The following PAH variants were observed in gnomAD, a reference collection of about 807,000 sequenced individuals.
The protein encoded by PAH is phenylalanine-4-hydroxylase.
A neutral mutation model predicts 62.0 loss-of-function variants in PAH; 64 were observed. The ratio of observed to expected loss-of-function variants is 1.03; its 90% CI spans 0.84 to 1.27. The LOEUF (loss-of-function observed/expected upper bound fraction) is 1.27, where lower values mean the gene tolerates loss of function less well. PAH is among the 50% of genes most tolerant of loss of function. The pLI is 0.00. For synonymous variants in PAH, 195 were observed against 196.2 expected, an observed-to-expected ratio of 0.99 and a Z score of 0.05; for missense variants, 579 against 542.8, an observed-to-expected ratio of 1.07 and a Z score of -0.66.
chr12:102,908,050 A>T lies in PAH; in HGVS notation c.168+4741T>A, dbSNP rs532937735. 2.6e-5 allele frequency among the ~76,000 whole-genome samples: 4 copies of T among 152,096 alleles called. No homozygotes were observed. In the South Asian group the frequency reaches 6.2e-4, roughly 24 times the overall value. ...AAAAAAAAATCAATACTCACTAACA[A>T]CCCTTCTTCAATCACCCAATACAGT... On this transcript the variant is annotated intron_variant, in intron 2 of 12. Transcript: ENST00000553106.
intron 1 of PAH, among the ~76,000 whole-genome samples, chr12:102,933,222 T>C (rs1280841922): frequency 6.6e-6 from 1 of 152,214 alleles, no homozygotes; most frequent in African/African-American, 2.4e-5. Flanking sequence ...AGTGAGAACA[T>C]GGAAAGTTTG....
chr12:102,911,066 T>C (rs1397130097), intron 2 of PAH, among the ~76,000 whole-genome samples: 1 of 152,168 alleles, frequency 6.6e-6, no homozygotes, highest in East Asian at 1.9e-4. Flanking sequence ...CACTGTGGGT[T>C]GGTGCAGCAG....
At chr12:102,933,679 C>T (rs1288269348) in intron 1 of PAH, among the ~76,000 whole-genome samples, 1 of 152,156 alleles carries the variant, frequency 6.6e-6, no homozygotes, top group Non-Finnish European at 1.5e-5. Flanking sequence ...TTTTGATTAG[C>T]ATTTCTCCGA....
chr12:102,845,171 T>C (rs56021318), intron 9 of PAH, among the ~76,000 whole-genome samples: 32,455 of 152,218 alleles, frequency 0.21, 4,927 homozygotes, highest in East Asian at 0.75. Flanking sequence ...ATCACGTCTC[T>C]GTGTCCTGTG....
In PAH at chr12:102,877,825, T is replaced by C. The variant is rs1211530245; in HGVS notation, c.353-275A>G. On this transcript the variant is annotated intron_variant, in intron 3 of 12. Coordinates refer to ENST00000553106, the MANE Select transcript of PAH (RefSeq NM_000277.3). The stretch of plus-strand genomic sequence containing the variant: ...CACCCGTCATGGTAGTTTTCTTTGA[T>C]GGTTTTCTTTAGCAGCAGAATTTTT... Among the ~76,000 whole-genome samples, 13 of 152,342 alleles carry C rather than the reference T, an allele frequency of 8.5e-5. No individual in the cohort carries two copies. The South Asian group carries it at 2.5e-3, about 29-fold the overall frequency.
intron 1 of PAH, among the ~76,000 whole-genome samples, chr12:102,933,934 A>G (rs912234289): frequency 2.0e-5 from 3 of 151,976 alleles, no homozygotes; most frequent in Admixed American, 2.0e-4. Context: ...GTGCAAAAGC[A>G]TTTTTAACTT....
intron 5 of PAH, among the ~76,000 whole-genome samples, chr12:102,864,355 AC>A (rs1875855166): frequency 6.6e-6 from 1 of 152,134 alleles, no homozygotes; most frequent in Non-Finnish European, 1.5e-5. Flanking sequence ...TCTGATTCGC[AC>A]CAGCCCCTGA....
intron 4 of PAH, among the ~76,000 whole-genome samples, chr12:102,871,708 A>C (rs1876322855): frequency 6.6e-6 from 1 of 152,012 alleles, no homozygotes; most frequent in African/African-American, 2.4e-5. Flanking sequence ...AGATCGCCTG[A>C]GGTCAGGAGT....
At position 102,851,701 on chromosome 12, in the gene PAH, C is replaced by A. The variant is rs5030853; in HGVS notation, c.898G>T (p.Ala300Ser). 638 of 1,613,792 alleles carry A rather than the reference C, an allele frequency of 4.0e-4. No individual in the cohort carries two copies. Among genetic ancestry groups the A allele is most frequent in the Middle Eastern group, 2.3e-3 (14 of 6,082 alleles). The change falls in exon 8 of 13, where the codon GCC (alanine) becomes TCC (serine). Residue 300 changes from alanine (A) to serine (S), a missense_variant. Coordinates refer to ENST00000553106, the MANE Select transcript of PAH (RefSeq NM_000277.3). Reference sequence around the variant, plus strand: ...CCATTCCTTACCTGGGAAAACTGGGCAAAGCTGCGATCTGAAAACAAGGGC... The same window carrying A: ...CCATTCCTTACCTGGGAAAACTGGGAAAAGCTGCGATCTGAAAACAAGGGC... Reference protein sequence around the residue: ...HVPLFSDRSFAQFSQEIGLAS... With the variant: ...HVPLFSDRSFSQFSQEIGLAS...
chr12:102,934,506 T>C (rs1485720563), intron 1 of PAH, among the ~76,000 whole-genome samples: 2 of 152,076 alleles, frequency 1.3e-5, no homozygotes, highest in African/African-American at 2.4e-5. Context: ...TGTATGTTGC[T>C]TTGGGTAGTA....
At chr12:102,955,504 C>T (rs534350788), upstream of PAH, among the ~76,000 whole-genome samples, 11 of 152,146 alleles carry the variant, frequency 7.2e-5, no homozygotes, top group Non-Finnish European at 1.5e-4. Flanking sequence ...TAAAAGAAAA[C>T]ACATCTAGAT....
In PAH at chr12:102,855,326, C is replaced by A. The variant is rs192592111; in HGVS notation, c.516G>T (p.Gln172His). The A allele has an allele frequency of 1.8e-5, 29 of 1,614,028 alleles. No individual in the cohort carries two copies. In the East Asian group the frequency reaches 4.9e-4, roughly 27 times the overall value. ...CCATGTATTCCACTCGAGGGATGGGCTGCCCACTAGAATACAGGCACAAAA... is the reference window on the plus strand; with the variant it reads ...CCATGTATTCCACTCGAGGGATGGGATGCCCACTAGAATACAGGCACAAAA... Reference protein sequence around the residue: ...ADIAYNYRHGQPIPRVEYMEE... With the variant: ...ADIAYNYRHGHPIPRVEYMEE... Residue 172 changes from glutamine to histidine, a missense_variant, in exon 6 of 13, where the codon CAG becomes CAT. Coordinates refer to ENST00000553106, the MANE Select transcript of PAH (RefSeq NM_000277.3).
intron 2 of PAH, among the ~76,000 whole-genome samples, chr12:102,908,811 C>A (rs529028081): frequency 6.6e-6 from 1 of 151,294 alleles, no homozygotes; most frequent in South Asian, 2.1e-4. Flanking sequence ...ATTCAAAATA[C>A]CACGTTACAT....
In PAH at chr12:102,853,323, C is replaced by T. The variant is rs956113108; in HGVS notation, c.707-373G>A. 3.6e-5 allele frequency: 12 copies of T among 331,814 alleles called. 1 individual carries two copies. Among genetic ancestry groups the T allele is most frequent in the South Asian group, 2.8e-4 (11 of 38,656 alleles). The allele number at this position is 331,814 out of a possible 1,614,324, so 20.6% of individuals were successfully genotyped here. A position where few individuals can be genotyped will look rare whatever the true frequency, so the allele number is the denominator to read the frequency against. Reference sequence around the variant, plus strand: ...GAACAATGATTCCCTACTTCTCCTGCTTCTAGAGTGAAGAGGGAATTTGAA... The same window carrying T: ...GAACAATGATTCCCTACTTCTCCTGTTTCTAGAGTGAAGAGGGAATTTGAA... On this transcript the variant is annotated intron_variant, in intron 6 of 12. Coordinates refer to ENST00000553106, the MANE Select transcript of PAH (RefSeq NM_000277.3).
At chr12:102,940,274 T>C (rs1879245674) in intron 1 of PAH, among the ~76,000 whole-genome samples, 1 of 152,210 alleles carries the variant, frequency 6.6e-6, no homozygotes, top group Non-Finnish European at 1.5e-5. Flanking sequence ...AGCCAAAGCT[T>C]CTCATCTCCA....
rs777221457 is a variant in PAH, at chr12:102,844,402, G to C, written c.999C>G (p.Leu333=). ...TIYWFTVEFG[L]CKQGDSIKAY... ...CCTTTATGGAGTCTCCTTGTTTGCA[G>C]AGCCCAAACTCCACAGTAAACCAGT... Residue 333 remains leucine, a synonymous_variant, in exon 10 of 13, where the codon CTC becomes CTG. Coordinates refer to ENST00000553106, the MANE Select transcript of PAH (RefSeq NM_000277.3). 7 of 1,613,676 alleles carry C rather than the reference G, an allele frequency of 4.3e-6. No individual in the cohort carries two copies. The highest frequency in any genetic ancestry group is 5.9e-6 in the Non-Finnish European group (7 of 1,179,678).
chr12:102,941,551 A>C (rs1007469189), intron 1 of PAH, among the ~76,000 whole-genome samples: 1 of 152,174 alleles, frequency 6.6e-6, no homozygotes, highest in African/African-American at 2.4e-5. Flanking sequence ...AATGATAAAA[A>C]ATAATGAAGT....
At chr12:102,953,691 A>G (rs1363873637), upstream of PAH, 2 of 152,326 alleles carry the variant, frequency 1.3e-5, no homozygotes, top group East Asian at 3.9e-4. Context: ...AGGTGCAGAA[A>G]TTAAGTCCCT....
chr12:102,856,005 A>G (rs1173709809), intron 5 of PAH, among the ~76,000 whole-genome samples: 2 of 146,310 alleles, frequency 1.4e-5, no homozygotes, highest in Non-Finnish European at 3.0e-5. Flanking sequence ...ATATACAATT[A>G]TATAATTATA....
Sources: allele counts gnomAD v4.1 joint callset (sites outside exome capture counted in the v4.1 genomes callset), GRCh38; gene constraint gnomAD v4.1.1; transcripts MANE v1.5; gene names NCBI Gene and HGNC (gene_info 2026-07-23, HGNC 2026-07-21).